USP8: variants seen among roughly 807,000 people sequenced by gnomAD.
The protein encoded by USP8 is ubiquitin specific peptidase 8, also known as ubiquitin carboxyl-terminal hydrolase 8.
A neutral mutation model predicts 130.0 loss-of-function variants in USP8; 27 were observed. The ratio of observed to expected loss-of-function variants is 0.21; its 90% confidence interval spans 0.15 to 0.29. The LOEUF (loss-of-function observed/expected upper bound fraction) is 0.29. Ranked by LOEUF, USP8 falls within the 10% of genes least tolerant of loss-of-function variation. The probability of loss-of-function intolerance (pLI) is 1.00; values close to 1 mark genes in which losing one functional copy is unlikely to be tolerated. For missense variants in USP8, 1,029 were observed against 1,312.2 expected (o/e 0.78, Z 3.33); for synonymous variants, 392 against 444.1 (o/e 0.88, Z 1.48).
intron 12 of USP8, among the ~76,000 whole-genome samples, chr15:50,484,991 T>C (rs2051903327): frequency 6.6e-6 from 1 of 151,736 alleles, no homozygotes; most frequent in African/African-American, 2.4e-5. Flanking sequence ...AAAGGGGAAA[T>C]GGGGAGTTAT....
At chr15:50,479,099 C>T (rs2051672736) in intron 10 of USP8, among the ~76,000 whole-genome samples, 2 of 151,966 alleles carry the variant, frequency 1.3e-5, no homozygotes, top group South Asian at 2.1e-4. Context: ...TTTGTATATA[C>T]AAGAGATGGG....
At chr15:50,446,238 T>C (rs1567607578) in intron 3 of USP8, among the ~76,000 whole-genome samples, 3 of 152,200 alleles carry the variant, frequency 2.0e-5, no homozygotes, top group Non-Finnish European at 4.4e-5. Flanking sequence ...TCAATTATCA[T>C]ACTATTGAAA....
At chr15:50,479,735 T>C (rs2051696380) in intron 10 of USP8, among the ~76,000 whole-genome samples, 1 of 152,104 alleles carries the variant, frequency 6.6e-6, no homozygotes, top group African/African-American at 2.4e-5. Context: ...AAAATTATTT[T>C]TTCTACACTA....
At position 50,510,232 on chromosome 15, in the gene USP8, T is replaced by C. The variant is rs571735233; in HGVS notation, c.*11144T>C. 1.3e-5 allele frequency: 2 copies of C among 152,308 alleles called. No individual in the cohort carries two copies. Among genetic ancestry groups the C allele is most frequent in the African/African-American group, 4.8e-5 (2 of 41,568 alleles). The allele number at this position is 152,308 out of a possible 1,614,324, so 9.4% of individuals were successfully genotyped here. A position where few individuals can be genotyped will look rare whatever the true frequency, so the allele number is the denominator to read the frequency against. ...AAAATGAAATTGAATCCCTAATTTATACTACATTTTTGTCAGAAGTGCAAA... is the reference window on the plus strand; with the variant it reads ...AAAATGAAATTGAATCCCTAATTTACACTACATTTTTGTCAGAAGTGCAAA... On this transcript the variant is annotated 3_prime_UTR_variant, in exon 20 of 20. Transcript: ENST00000307179.
At chr15:50,471,116 T>C (rs1398478823) in intron 7 of USP8, among the ~76,000 whole-genome samples, 1 of 152,214 alleles carries the variant, frequency 6.6e-6, no homozygotes, top group Admixed American at 6.5e-5. Context: ...AATGTTCGTC[T>C]TACAGGATTG....
At position 50,508,857 on chromosome 15, in the gene USP8, A is replaced by G. The variant is rs186767168; in HGVS notation, c.*9769A>G. 7.0e-3 allele frequency: 1,055 copies of G among 151,614 alleles called. 3 individuals carry two copies. Among genetic ancestry groups the G allele is most frequent in the Admixed American group, 0.014 (210 of 15,216 alleles). The allele number at this position is 151,614 out of a possible 1,614,324, so 9.4% of individuals were successfully genotyped here. ...TATAAAAAAAAAAAGAGTACAGGCC[A>G]GGCGCGGTGGCTCACGCCTGTAATC... On this transcript the variant is annotated 3_prime_UTR_variant, in exon 20 of 20. Coordinates refer to ENST00000307179, the MANE Select transcript of USP8 (RefSeq NM_005154.5).
Position 50,471,616 on chromosome 15 carries a change from A to G in USP8, c.687-17A>G, listed in dbSNP as rs767609621. The G allele has an allele frequency of 1.2e-6, 2 of 1,602,710 alleles. No individual in the cohort carries two copies. The highest frequency in any genetic ancestry group is 1.7e-6 in the Non-Finnish European group (2 of 1,177,158). Reference sequence around the variant, plus strand: ...CTTGTTGACTTTTGCCCCAATTTAAATATTAATACATTTCAGAGTCACTGC... The same window carrying G: ...CTTGTTGACTTTTGCCCCAATTTAAGTATTAATACATTTCAGAGTCACTGC... On this transcript the variant is annotated splice_polypyrimidine_tract_variant and intron_variant, in intron 7 of 19. Transcript: ENST00000307179.
chr15:50,450,462 C>CTTTTTTTTTTTTTTTTTTTT (rs35800074), intron 4 of USP8, among the ~76,000 whole-genome samples: 8 of 80,452 alleles, frequency 9.9e-5, no homozygotes, highest in Non-Finnish European at 1.4e-4. Context: ...GTTAGTCATT[C>CTTTTTTTTTTTTTTTTTTTT]TTTTTTTTTT....
In USP8 at chr15:50,496,102, A is replaced by T; in HGVS notation, c.2895+18A>T. On this transcript the variant is annotated intron_variant, in intron 17 of 19. Transcript: ENST00000307179. ...CATTACAGGTAAGTTTAAGAAGTAG[A>T]GAGAAAATGATTTATTGGATAAAAA... The T allele has an allele frequency of 6.4e-7, 1 of 1,556,978 alleles. No homozygotes were observed. Among genetic ancestry groups the T allele is most frequent in the Non-Finnish European group, 8.8e-7 (1 of 1,139,542 alleles).
intron 8 of USP8, among the ~76,000 whole-genome samples, chr15:50,475,552 T>C (rs1181789621): frequency 6.7e-6 from 1 of 150,338 alleles, no homozygotes; most frequent in East Asian, 2.0e-4. Context: ...TATATATACA[T>C]GTATATATAC....
chr15:50,455,634 C>T (rs2050767121), intron 4 of USP8, among the ~76,000 whole-genome samples: 1 of 152,086 alleles, frequency 6.6e-6, no homozygotes, highest in Non-Finnish European at 1.5e-5. Flanking sequence ...AAATTATAGG[C>T]TCTGCATTCT....
At position 50,424,453 on chromosome 15, in the gene USP8, G is replaced by T. The variant is rs1303185533; in HGVS notation, c.-127G>T. The T allele has an allele frequency of 1.0e-5, 4 of 398,742 alleles. No homozygotes were observed. The East Asian group carries it at 1.4e-4, about 14-fold the overall frequency. The allele number at this position is 398,742 out of a possible 1,614,324, so 24.7% of individuals were successfully genotyped here. A position where few individuals can be genotyped will look rare whatever the true frequency, so the allele number is the denominator to read the frequency against. On this transcript the variant is annotated 5_prime_UTR_variant, in exon 1 of 20. Transcript: ENST00000307179. ...GTAGCCAAGGCTAATTCTCCCTCGA[G>T]TTCTTGGGAGATGGGCATTTGGCGA...
Position 50,504,718 on chromosome 15 carries a change from G to C in USP8, c.*5630G>C, listed in dbSNP as rs917586425. The C allele has an allele frequency of 6.6e-6, 1 of 152,302 alleles. No homozygotes were observed. Among genetic ancestry groups the C allele is most frequent in the Non-Finnish European group, 1.5e-5 (1 of 68,186 alleles). 9.4% of individuals were successfully genotyped at this position (152,302 alleles called of 1,614,324 possible). A position where few individuals can be genotyped will look rare whatever the true frequency, so the allele number is the denominator to read the frequency against. ...AACCGGACTGGGCGCGGTGGCTCAT[G>C]CCTGTAATCCTAGCACTTTGGGAGG... On this transcript the variant is annotated 3_prime_UTR_variant, in exon 20 of 20. Coordinates refer to ENST00000307179, the MANE Select transcript of USP8 (RefSeq NM_005154.5).
chr15:50,433,599 AT>A lies in USP8; in HGVS notation c.-65-5406del, dbSNP rs2049996213. Among the ~76,000 whole-genome samples, 3 of 151,740 alleles carry A rather than the reference AT, an allele frequency of 2.0e-5. No homozygotes were observed. In the South Asian group the frequency reaches 6.2e-4, roughly 32 times the overall value. The stretch of plus-strand genomic sequence containing the variant: ...AGCAGAAGGATGTCAGAGAAAGAAC[AT>A]TTTCTCTTTATTTATTTATTTTTTT... On this transcript the variant is annotated intron_variant, in intron 1 of 19. Transcript: ENST00000307179.
Position 50,481,883 on chromosome 15 carries a change from T to C in USP8, c.1621T>C (p.Ser541Pro). The change falls in exon 11 of 20, where the codon TCA (serine) becomes CCA (proline). Residue 541 changes from serine to proline, a missense_variant. Ser to Pro is a moderately conservative substitution (Grantham distance 74). Transcript: ENST00000307179. ...EQAKKEDKET[S>P]AKRGKEITGV... ...GGCCAAGAAAGAAGATAAAGAAACC[T>C]CAGCAAAGAGGGGCAAAGAAATAAC... The C allele has an allele frequency of 6.4e-7, 1 of 1,566,036 alleles. No homozygotes were observed. The highest frequency in any genetic ancestry group is 8.6e-7 in the Non-Finnish European group (1 of 1,161,230).
rs761395751 is a variant in USP8, at chr15:50,481,722, A to G, written c.1460A>G (p.Gln487Arg). 2.5e-6 allele frequency: 4 copies of G among 1,611,342 alleles called. No homozygotes were observed. The highest frequency in any genetic ancestry group is 2.2e-5 in the East Asian group (1 of 44,844). Residue 487 changes from glutamine to arginine, a missense_variant, in exon 11 of 20, where the codon CAA becomes CGA. Gln to Arg is a conservative substitution (Grantham distance 43, BLOSUM62 1). Transcript: ENST00000307179. ...GAAAAAGAACTTCGGGAAAGGCAGC[A>G]AGAGGAACAGAAAGAGAAACTGAGG... ...KQEKELRERQQEEQKEKLRKE... is the reference protein window; with the variant it reads ...KQEKELRERQREEQKEKLRKE...
chr15:50,493,828 G>A (rs767635149), intron 15 of USP8: 1 of 652,622 alleles, frequency 1.5e-6, no homozygotes, highest in Non-Finnish European at 2.8e-6. Flanking sequence ...TCGCTGTCAT[G>A]AACTGGAGCC....
chr15:50,425,936 A>G (rs1320014867), intron 1 of USP8, among the ~76,000 whole-genome samples: 2 of 152,172 alleles, frequency 1.3e-5, no homozygotes, highest in Non-Finnish European at 2.9e-5. Context: ...AGCCTGGCCA[A>G]CATGGCGAAA....
At chr15:50,467,128 G>C in intron 7 of USP8, 1 of 355,478 alleles carries the variant, frequency 2.8e-6, no homozygotes, top group Non-Finnish European at 5.1e-6. Flanking sequence ...TTGATTACTG[G>C]TTGTTAAAAA....
Sources: allele counts gnomAD v4.1 joint callset (sites outside exome capture counted in the v4.1 genomes callset), GRCh38; gene constraint gnomAD v4.1.1; transcripts MANE v1.5; gene names NCBI Gene and HGNC (gene_info 2026-07-23, HGNC 2026-07-21).